RAP1GAP2: variants seen among roughly 807,000 people sequenced by gnomAD.
RAP1GAP2 encodes rap1 GTPase-activating protein 2.
In RAP1GAP2, 27 loss-of-function variants were observed where a neutral mutation model predicts 95.0. The ratio of observed to expected loss-of-function variants is 0.28; its 90% CI spans 0.21 to 0.39. The LOEUF is 0.39. Ranked by LOEUF, RAP1GAP2 falls within the 10% of genes least tolerant of loss-of-function variation. RAP1GAP2 has a pLI of 1.00. For synonymous variants in RAP1GAP2, 373 were observed against 380.9 expected, an observed-to-expected ratio of 0.98 and a Z score of 0.24; for missense variants, 771 against 970.0, an observed-to-expected ratio of 0.79 and a Z score of 2.72.
intron 3 of RAP1GAP2, among the ~76,000 whole-genome samples, chr17:2,927,310 C>A (rs186505208): frequency 0.016 from 2,371 of 152,056 alleles, 70 homozygotes; most frequent in African/African-American, 0.053. Flanking sequence ...CCCGCCACCG[C>A]GCCCGGCTAA....
intron 2 of RAP1GAP2, among the ~76,000 whole-genome samples, chr17:2,896,771 G>A (rs989737212): frequency 9.2e-5 from 14 of 152,324 alleles, no homozygotes; most frequent in Admixed American, 8.5e-4. Context: ...GTGCAGTTTA[G>A]GACTTCAGGT....
rs555515131 is a variant in RAP1GAP2 at position 2,904,109 on chromosome 17, T to C, written c.81-1175T>C. ...TGTAGAGGAGGACACACTTGTAAAG[T>C]TGGGGGCTTTGACGGCTCAGCCCGG... On this transcript the variant is annotated intron_variant, in intron 2 of 24. Coordinates refer to ENST00000254695, the MANE Select transcript of RAP1GAP2 (RefSeq NM_015085.5). This position sits in a 1 kb window ranked among gnomAD's most constrained non-coding sequence, Gnocchi z 4.7. 1.4e-4 allele frequency among the ~76,000 whole-genome samples: 22 copies of C among 152,248 alleles called. No homozygotes were observed. Among genetic ancestry groups the C allele is most frequent in the African/African-American group, 3.9e-4 (16 of 41,558 alleles).
At position 2,915,118 on chromosome 17, in the gene RAP1GAP2, C is replaced by G. The variant is rs575687276; in HGVS notation, c.165+9750C>G. The stretch of plus-strand genomic sequence containing the variant: ...TTCTTTTTAGAAATAGAGATGGGGA[C>G]TCACTATGTCGCCCGGGTTGGTCTC... On this transcript the variant is annotated intron_variant, in intron 3 of 24. Coordinates refer to ENST00000254695, the MANE Select transcript of RAP1GAP2 (RefSeq NM_015085.5). Among the ~76,000 whole-genome samples the G allele has an allele frequency of 2.0e-5, 3 of 152,116 alleles. No individual in the cohort carries two copies. In the South Asian group the frequency reaches 6.2e-4, roughly 32 times the overall value.
chr17:2,858,649 T>C (rs1372822679), intron 2 of RAP1GAP2, among the ~76,000 whole-genome samples: 1 of 152,170 alleles, frequency 6.6e-6, no homozygotes, highest in African/African-American at 2.4e-5. Context: ...GGCTCACGCC[T>C]GTAATCTCAG....
chr17:2,773,137 C>T (rs997025220), upstream of RAP1GAP2, among the ~76,000 whole-genome samples: 1 of 152,044 alleles, frequency 6.6e-6, no homozygotes, highest in South Asian at 2.1e-4. Context: ...TGTGCCCAGC[C>T]TCTTTACAAA....
chr17:2,774,786 C>T (rs971364769), upstream of RAP1GAP2, among the ~76,000 whole-genome samples: 1 of 150,164 alleles, frequency 6.7e-6, no homozygotes, highest in Admixed American at 6.7e-5. Flanking sequence ...CCACGCCCAG[C>T]CAGCCACCAT....
intron 1 of RAP1GAP2, among the ~76,000 whole-genome samples, chr17:2,757,856 G>C (rs115270325): frequency 9.8e-4 from 148 of 151,780 alleles, no homozygotes; most frequent in African/African-American, 3.5e-3. Context: ...TCTTGGGCTG[G>C]ACCTGATGAT....
chr17:2,983,402 GACAT>G (rs2045444339), intron 10 of RAP1GAP2, among the ~76,000 whole-genome samples: 1 of 152,118 alleles, frequency 6.6e-6, no homozygotes, highest in South Asian at 2.1e-4. Context: ...CAAGTGCGTT[GACAT>G]GCTTCAGTTG....
At chr17:2,968,998 T>C (rs2044732982) in intron 8 of RAP1GAP2, among the ~76,000 whole-genome samples, 1 of 152,016 alleles carries the variant, frequency 6.6e-6, no homozygotes, top group Non-Finnish European at 1.5e-5. Flanking sequence ...GTCAGTAGTA[T>C]ATATTATAGT....
chr17:2,990,801 T>A (rs1453554250), intron 11 of RAP1GAP2, among the ~76,000 whole-genome samples: 1 of 151,990 alleles, frequency 6.6e-6, no homozygotes, highest in African/African-American at 2.4e-5. Context: ...AAGTGGTATA[T>A]CATTGTGGTT....
At position 3,003,860 on chromosome 17, in the gene RAP1GAP2, G is replaced by A. The variant is rs1344348686; in HGVS notation, c.1201-1509G>A. Among the ~76,000 whole-genome samples the A allele has an allele frequency of 2.0e-5, 3 of 152,216 alleles. No individual in the cohort carries two copies. The highest frequency in any genetic ancestry group is 3.9e-4 in the East Asian group (2 of 5,184). ...CGCACAATGAGGATGGAAGGTGAAC[G>A]CACGTCGCAAGGAAGGGCCCTGTCC... On this transcript the variant is annotated intron_variant, in intron 14 of 24. Transcript: ENST00000254695. This position sits in a 1 kb window ranked among gnomAD's most constrained non-coding sequence, Gnocchi z 4.1.
intron 3 of RAP1GAP2, among the ~76,000 whole-genome samples, chr17:2,940,458 G>C (rs1361941322): frequency 6.6e-6 from 1 of 152,236 alleles, no homozygotes; most frequent in African/African-American, 2.4e-5. Flanking sequence ...GGTGGGAGTT[G>C]CCATGGCGAG....
intron 1 of RAP1GAP2, among the ~76,000 whole-genome samples, chr17:2,759,787 A>G (rs983472176): frequency 3.3e-5 from 5 of 152,024 alleles, no homozygotes; most frequent in Admixed American, 6.6e-5. Flanking sequence ...GGTTTTCACC[A>G]TGTTGCCCAG....
chr17:2,794,870 CTTTTTTTT>C (rs148825285), upstream of RAP1GAP2, among the ~76,000 whole-genome samples: 3 of 57,934 alleles, frequency 5.2e-5, no homozygotes, highest in Admixed American at 2.1e-4. Context: ...CGTTTTTTTC[CTTTTTTTT>C]TTTTTTTTTT....
chr17:2,874,816 G>A (rs1196257212), intron 2 of RAP1GAP2, among the ~76,000 whole-genome samples: 1 of 152,096 alleles, frequency 6.6e-6, no homozygotes, highest in Non-Finnish European at 1.5e-5. Context: ...TCTCACCAAT[G>A]CCCAGCAGCC....
At chr17:2,820,565 A>G (rs372821627) in intron 2 of RAP1GAP2, among the ~76,000 whole-genome samples, 16 of 149,512 alleles carry the variant, frequency 1.1e-4, no homozygotes, top group African/African-American at 3.5e-4. Flanking sequence ...GGCTGCAGTG[A>G]GCTGAGATCT....
In RAP1GAP2 at chr17:2,780,561, C is replaced by G. The variant is rs190942617; in HGVS notation, c.-14+3283C>G. Among the ~76,000 whole-genome samples the G allele has an allele frequency of 4.8e-3, 728 of 152,340 alleles. 5 individuals carry two copies. Among genetic ancestry groups the G allele is most frequent in the Non-Finnish European group, 8.3e-3 (565 of 68,036 alleles). The stretch of plus-strand genomic sequence containing the variant: ...CCATCTCTGAGCAATGTGCACCCCC[C>G]CCAGGAGAGGTCACAGAGTGGGGAA... On this transcript the variant is annotated intron_variant, in intron 1 of 24. Coordinates refer to the RAP1GAP2 transcript ENST00000540393.
Position 2,906,500 on chromosome 17 carries a change from C to T in RAP1GAP2, c.165+1132C>T. Among the ~76,000 whole-genome samples the T allele has an allele frequency of 6.6e-6, 1 of 152,060 alleles. No individual in the cohort carries two copies. The highest frequency in any genetic ancestry group is 1.5e-5 in the Non-Finnish European group (1 of 68,010). ...GGGCAGGACAGGGTGCAGGGCTGAC[C>T]AAGGAGAGCTGTGCTGTCTTCCTTG... is the stretch of plus-strand genomic sequence containing the variant. On this transcript the variant is annotated intron_variant, in intron 3 of 24. Coordinates refer to ENST00000254695, the MANE Select transcript of RAP1GAP2 (RefSeq NM_015085.5). The surrounding 1 kb of genome is among the most constrained non-coding windows in gnomAD (Gnocchi z 4.3).
At chr17:2,991,972 C>T (rs2045771883) in intron 12 of RAP1GAP2, among the ~76,000 whole-genome samples, 1 of 150,632 alleles carries the variant, frequency 6.6e-6, no homozygotes, top group South Asian at 2.1e-4. Context: ...CGCCATGTTG[C>T]CCAGGCTGGT....
Sources: gnomAD v4.1 joint callset for allele counts (sites outside exome capture counted in the v4.1 genomes callset) on GRCh38, gnomAD v4.1.1 for gene constraint, Gnocchi (gnomAD v3.1) non-coding constraint, MANE v1.5 for transcripts, NCBI Gene and HGNC (gene_info 2026-07-23, HGNC 2026-07-21) for gene names.